NRAS: variants seen among roughly 807,000 people sequenced by gnomAD.
NRAS encodes NRAS proto-oncogene, GTPase, also known as GTPase NRas.
A neutral mutation model predicts 21.3 loss-of-function variants in NRAS; 6 were observed. The ratio of observed to expected loss-of-function variants is 0.28; its 90% CI spans 0.15 to 0.56. NRAS has a LOEUF of 0.56. NRAS is among the 20% of genes least tolerant of loss of function. NRAS has a pLI of 0.93. For missense variants in NRAS, 143 were observed against 231.3 expected, an observed-to-expected ratio of 0.62 and a Z score of 2.48; for synonymous variants, 84 against 82.0, an observed-to-expected ratio of 1.02 and a Z score of -0.13.
intron 3 of NRAS, among the ~76,000 whole-genome samples, chr1:114,713,000 T>C (rs1476872809): frequency 6.6e-6 from 1 of 152,188 alleles, no homozygotes; most frequent in African/African-American, 2.4e-5. Context: ...CTCCAAAACC[T>C]AACAAACGAC....
rs897400303 is a variant in NRAS at position 114,704,969 on chromosome 1, T to G, written c.*3125A>C. The G allele has an allele frequency of 6.6e-6, 1 of 152,176 alleles. No homozygotes were observed. 9.4% of individuals were successfully genotyped at this position (152,176 alleles called of 1,614,324 possible). A position where few individuals can be genotyped will look rare whatever the true frequency, so the allele number is the denominator to read the frequency against. On this transcript the variant is annotated 3_prime_UTR_variant, in exon 7 of 7. Transcript: ENST00000369535. ...TTATAGAAACCATCCAAATAAAATA[T>G]TTTCCCTAATTTTCCTTGCTTCTTA...
Position 114,708,428 on chromosome 1 carries a change from G to A in NRAS, c.*4+103C>T, listed in dbSNP as rs186296549. 283 of 1,067,090 alleles carry A rather than the reference G, an allele frequency of 2.7e-4. No homozygotes were observed. The Admixed American group carries it at 4.7e-3, about 18-fold the overall frequency. 66.1% of individuals were successfully genotyped at this position (1,067,090 alleles called of 1,614,324 possible). ...ATGGAAAATGTGCAGAAGAGGATAGGCAGAAACTCAAAAAACATATAGACA... is the reference window on the plus strand; with the variant it reads ...ATGGAAAATGTGCAGAAGAGGATAGACAGAAACTCAAAAAACATATAGACA... On this transcript the variant is annotated intron_variant, in intron 5 of 6. Coordinates refer to ENST00000369535, the MANE Select transcript of NRAS (RefSeq NM_002524.5).
intron 3 of NRAS, among the ~76,000 whole-genome samples, chr1:114,710,051 T>C (rs1317184714): frequency 1.3e-5 from 2 of 150,780 alleles, no homozygotes; most frequent in Non-Finnish European, 2.9e-5. Flanking sequence ...ATTAGCCAGG[T>C]GTGGTGGCAG....
At chr1:114,710,292 A>AAT (rs1306398617) in intron 3 of NRAS, among the ~76,000 whole-genome samples, 2 of 22,152 alleles carry the variant, frequency 9.0e-5, no homozygotes, top group African/African-American at 2.8e-4. Context: ...ATAATATATA[A>AAT]ATATATATAA....
rs1658944116 is a variant in NRAS at position 114,707,504 on chromosome 1, T to C, written c.*590A>G. 6.5e-6 allele frequency: 1 copy of C among 152,672 alleles called. No homozygotes were observed. Among genetic ancestry groups the C allele is most frequent in the African/African-American group, 2.4e-5 (1 of 41,460 alleles). 9.5% of individuals were successfully genotyped at this position (152,672 alleles called of 1,614,324 possible). A position where few individuals can be genotyped will look rare whatever the true frequency, so the allele number is the denominator to read the frequency against. On this transcript the variant is annotated 3_prime_UTR_variant, in exon 7 of 7. Transcript: ENST00000369535. ...TACGTCAAAGTTGTGAAGACTAGGA[T>C]AGACTCAAAATTCAGTATTCATTTT...
In NRAS at chr1:114,707,023, A is replaced by T. The variant is rs1658933997; in HGVS notation, c.*1071T>A. 6.6e-6 allele frequency: 1 copy of T among 152,656 alleles called. No individual in the cohort carries two copies. The highest frequency in any genetic ancestry group is 2.4e-5 in the African/African-American group (1 of 41,448). The allele number at this position is 152,656 out of a possible 1,614,324, so 9.5% of individuals were successfully genotyped here. ...TCACTGATCACAGCTATTAAATAAC[A>T]ATGCACCAAAGTTTTACAATATTTG... On this transcript the variant is annotated 3_prime_UTR_variant, in exon 7 of 7. Coordinates refer to ENST00000369535, the MANE Select transcript of NRAS (RefSeq NM_002524.5).
Position 114,709,324 on chromosome 1 carries a change from A to C in NRAS, c.450+245T>G, listed in dbSNP as rs9724636. ...TGATGATGTGCCCGTAGTCCCAGCT[A>C]CTTGGGAGGCTGAGGCAGGAGAATC... On this transcript the variant is annotated intron_variant, in intron 4 of 6. Transcript: ENST00000369535. Among the ~76,000 whole-genome samples the C allele has an allele frequency of 8.9e-4, 135 of 152,236 alleles. 1 individual carries two copies. The highest frequency in any genetic ancestry group is 3.0e-3 in the African/African-American group (123 of 41,556).
Position 114,709,561 on chromosome 1 carries a change from T to C in NRAS, c.450+8A>G, listed in dbSNP as rs2101738581. 2 of 1,612,306 alleles carry C rather than the reference T, an allele frequency of 1.2e-6. No individual in the cohort carries two copies. Among genetic ancestry groups the C allele is most frequent in the Non-Finnish European group, 1.7e-6 (2 of 1,178,256 alleles). On this transcript the variant is annotated splice_region_variant and intron_variant, in intron 4 of 6. Transcript: ENST00000369535. ...ACTCTTGCACAAATGCTGAAAGCTG[T>C]ACCATACCTGTCTGGTCTTGGCTGA...
Position 114,704,548 on chromosome 1 carries a change from G to C in NRAS, c.*3546C>G, listed in dbSNP as rs184706242. The C allele has an allele frequency of 6.6e-6, 1 of 152,116 alleles. No individual in the cohort carries two copies. Among genetic ancestry groups the C allele is most frequent in the African/African-American group, 2.4e-5 (1 of 41,414 alleles). 9.4% of individuals were successfully genotyped at this position (152,116 alleles called of 1,614,324 possible). A position where few individuals can be genotyped will look rare whatever the true frequency, so the allele number is the denominator to read the frequency against. ...AAAAAACATTCAACCAAATTAAAAA[G>C]AACTAGGTTGGATTAATTTACAATA... On this transcript the variant is annotated 3_prime_UTR_variant, in exon 7 of 7. Transcript: ENST00000369535.
In NRAS at chr1:114,709,608, G is replaced by A. The variant is rs368813470; in HGVS notation, c.411C>T (p.Tyr137=). The A allele has an allele frequency of 6.5e-5, 105 of 1,613,896 alleles. No individual in the cohort carries two copies. The highest frequency in any genetic ancestry group is 1.6e-4 in the Middle Eastern group (1 of 6,084). Residue 137 remains tyrosine, a synonymous_variant, in exon 4 of 7, where the codon TAC becomes TAT. Coordinates refer to ENST00000369535, the MANE Select transcript of NRAS (RefSeq NM_002524.5). ...TKQAHELAKS[Y]GIPFIETSAK... is the part of the protein sequence containing the mutation. The stretch of plus-strand genomic sequence containing the variant: ...CTGAGGTTTCAATGAATGGAATCCC[G>A]TAACTCTTGGCCAGTTCGTGGGCTT...
intron 3 of NRAS, 120 bp from the exon 4 acceptor site, chr1:114,709,848 G>T: frequency 1.3e-6 from 1 of 791,648 alleles, no homozygotes; most frequent in South Asian, 1.4e-5. Context: ...TTGAACCCAG[G>T]AGTTTGAGAT....
In NRAS at chr1:114,716,059, G is replaced by C. The variant is rs1210648980; in HGVS notation, c.102C>G (p.Pro34=). ...IQNHFVDEYD[P]TIEDSYRKQV... The stretch of plus-strand genomic sequence containing the variant: ...TACCACTGGGCCTCACCTCTATGGT[G>C]GGATCATATTCATCTACAAAGTGGT... Residue 34 remains proline, a synonymous_variant, in exon 2 of 7, where the codon CCC becomes CCG. Coordinates refer to ENST00000369535, the MANE Select transcript of NRAS (RefSeq NM_002524.5). 1 of 1,605,082 alleles carries C rather than the reference G, an allele frequency of 6.2e-7. No individual in the cohort carries two copies.
intron 1 of NRAS, 128 bp from the exon 2 acceptor site, chr1:114,716,305 G>A (rs1304608082): frequency 9.8e-6 from 7 of 711,434 alleles, no homozygotes; most frequent in Non-Finnish European, 1.5e-5. Flanking sequence ...ACTAGAGAAC[G>A]CAAAAACACC....
At chr1:114,716,224 GTACTT>G in intron 1 of NRAS, 47 bp from the exon 2 acceptor site, 1 of 1,029,076 alleles carries the variant, frequency 9.7e-7, no homozygotes, top group Non-Finnish European at 1.5e-6. Flanking sequence ...CACATCTACA[GTACTT>G]TAAAGCTTTC....
intron 3 of NRAS, among the ~76,000 whole-genome samples, chr1:114,711,048 T>C (rs1659034041): frequency 6.6e-6 from 1 of 152,192 alleles, no homozygotes; most frequent in South Asian, 2.1e-4. Context: ...CTCCCGCCTA[T>C]AGTCTTAGCA....
intron 4 of NRAS, among the ~76,000 whole-genome samples, chr1:114,709,329 G>A (rs1249622655): frequency 1.3e-5 from 2 of 152,058 alleles, no homozygotes; most frequent in African/African-American, 4.8e-5. Flanking sequence ...CAGCTACTTG[G>A]GAGGCTGAGG....
rs1394492948 is a variant in NRAS at position 114,704,802 on chromosome 1, T to C, written c.*3292A>G. On this transcript the variant is annotated 3_prime_UTR_variant, in exon 7 of 7. Coordinates refer to ENST00000369535, the MANE Select transcript of NRAS (RefSeq NM_002524.5). ...AAAAATCATCTTACGTTTTGAAATA[T>C]AATACAACTACTCTGGTAACAAGAA... 2.6e-5 allele frequency: 4 copies of C among 152,228 alleles called. No individual in the cohort carries two copies. Among genetic ancestry groups the C allele is most frequent in the Admixed American group, 2.6e-4 (4 of 15,288 alleles). The allele number at this position is 152,228 out of a possible 1,614,324, so 9.4% of individuals were successfully genotyped here. A position where few individuals can be genotyped will look rare whatever the true frequency, so the allele number is the denominator to read the frequency against.
chr1:114,712,566 A>C (rs914872828), intron 3 of NRAS, among the ~76,000 whole-genome samples: 29 of 152,096 alleles, frequency 1.9e-4, no homozygotes, highest in African/African-American at 6.8e-4. Flanking sequence ...TACTGCTATT[A>C]CTTTTAGACA....
At chr1:114,714,077 T>C in intron 2 of NRAS, 99 bp from the exon 3 acceptor site, 1 of 763,480 alleles carries the variant, frequency 1.3e-6, no homozygotes. Context: ...TAAATAAGCA[T>C]CTAACTATTC....
Sources: gnomAD v4.1 joint callset for allele counts (sites outside exome capture counted in the v4.1 genomes callset) on GRCh38, gnomAD v4.1.1 for gene constraint, MANE v1.5 for transcripts, NCBI Gene and HGNC (gene_info 2026-07-23, HGNC 2026-07-21) for gene names.